The following RANBP17 variants were observed in gnomAD, a reference collection of about 807,000 sequenced individuals.
RANBP17 encodes ran-binding protein 17.
In RANBP17, 158 loss-of-function variants were observed where a neutral mutation model predicts 141.2. That is an observed-to-expected ratio of 1.12 (90% CI 0.98 to 1.28). The LOEUF is 1.28. Among genes scored for constraint, RANBP17 ranks in the 50% most tolerant of loss-of-function variants. The probability of loss-of-function intolerance (pLI) is 0.00; values close to 1 mark genes in which losing one functional copy is unlikely to be tolerated. For missense variants in RANBP17, 1,438 were observed against 1,290.7 expected (o/e 1.11, Z -1.75); for synonymous variants, 430 against 450.0 (o/e 0.96, Z 0.56).
At chr5:171,245,506 G>T (rs1310995625) in intron 24 of RANBP17, among the ~76,000 whole-genome samples, 5 of 152,006 alleles carry the variant, frequency 3.3e-5, no homozygotes, top group African/African-American at 1.2e-4. Flanking sequence ...TAGAGACGGG[G>T]TTTCTCCATG....
chr5:171,063,196 C>A (rs1784030736), intron 14 of RANBP17, among the ~76,000 whole-genome samples: 1 of 152,346 alleles, frequency 6.6e-6, no homozygotes, highest in East Asian at 1.9e-4. Context: ...TGTTCTGTTG[C>A]TGGTGAGGAA....
At chr5:171,147,465 G>A (rs552088418) in intron 14 of RANBP17, among the ~76,000 whole-genome samples, 2 of 149,334 alleles carry the variant, frequency 1.3e-5, no homozygotes, top group African/African-American at 4.9e-5. Context: ...ACCCAGGCTG[G>A]AGTGCAGTGG....
chr5:171,133,913 T>A (rs1294864497), intron 14 of RANBP17, among the ~76,000 whole-genome samples: 2 of 152,250 alleles, frequency 1.3e-5, no homozygotes, highest in Non-Finnish European at 2.9e-5. Context: ...TAAGTATCTA[T>A]ACATGTACTG....
At chr5:170,866,942 T>A (rs1447554247) in intron 1 of RANBP17, 3 of 152,126 alleles carry the variant, frequency 2.0e-5, no homozygotes, top group Non-Finnish European at 4.4e-5. Context: ...GCTCCACCGA[T>A]CAAGTGTCTC....
At chr5:171,168,198 C>A (rs1759835588) in intron 14 of RANBP17, among the ~76,000 whole-genome samples, 1 of 152,124 alleles carries the variant, frequency 6.6e-6, no homozygotes, top group Non-Finnish European at 1.5e-5. Flanking sequence ...GAGGAATGGA[C>A]TGGACGTTGT....
chr5:170,992,544 C>T (rs947805081), intron 14 of RANBP17, among the ~76,000 whole-genome samples: 1 of 152,026 alleles, frequency 6.6e-6, no homozygotes, highest in African/African-American at 2.4e-5. Context: ...AATAAATATA[C>T]TGTATGTGAA....
At chr5:171,156,070 G>A (rs1758873568) in intron 14 of RANBP17, among the ~76,000 whole-genome samples, 1 of 152,020 alleles carries the variant, frequency 6.6e-6, no homozygotes, top group Admixed American at 6.6e-5. Context: ...GATTTTAAAA[G>A]CAATTCTTAT....
chr5:171,159,938 A>AAAT (rs1554107713), intron 14 of RANBP17, among the ~76,000 whole-genome samples: 22 of 150,906 alleles, frequency 1.5e-4, no homozygotes, highest in Non-Finnish European at 3.0e-5. Flanking sequence ...AAAAAAAAAA[A>AAAT]AAAGAAAAAA....
chr5:170,878,334 G>A, intron 2 of RANBP17, 91 bp downstream of exon 2: 1 of 1,069,494 alleles, frequency 9.4e-7, no homozygotes, highest in South Asian at 2.8e-5. Context: ...GTAACTGATA[G>A]ATATTGCCAC....
intron 1 of RANBP17, among the ~76,000 whole-genome samples, chr5:170,866,327 A>G (rs1386148252): frequency 3.5e-5 from 5 of 144,804 alleles, no homozygotes; most frequent in African/African-American, 1.5e-4. Context: ...GCAAAAGATA[A>G]CATTGAGCTT....
chr5:171,082,174 C>T (rs945393295), intron 14 of RANBP17, among the ~76,000 whole-genome samples: 1 of 152,074 alleles, frequency 6.6e-6, no homozygotes, highest in Non-Finnish European at 1.5e-5. Context: ...ACCTGACTTG[C>T]GCTCATCTCA....
At chr5:170,972,155 A>G (rs1174558018) in intron 14 of RANBP17, among the ~76,000 whole-genome samples, 1 of 146,118 alleles carries the variant, frequency 6.8e-6, no homozygotes, top group African/African-American at 2.5e-5. Flanking sequence ...TAAAAGTATT[A>G]TGCAGTTTGG....
intron 25 of RANBP17, among the ~76,000 whole-genome samples, chr5:171,266,114 G>A (rs1455481465): frequency 6.6e-6 from 1 of 152,178 alleles, no homozygotes; most frequent in Non-Finnish European, 1.5e-5. Context: ...AGAGGCCTGA[G>A]AAAAATTAGA....
In RANBP17 at chr5:170,961,419, C is replaced by T. The variant is rs541702565; in HGVS notation, c.1575-6823C>T. Among the ~76,000 whole-genome samples the T allele has an allele frequency of 7.2e-5, 11 of 152,202 alleles. No homozygotes were observed. The East Asian group carries it at 1.7e-3, about 24-fold the overall frequency. On this transcript the variant is annotated intron_variant, in intron 13 of 27. Coordinates refer to ENST00000523189, the MANE Select transcript of RANBP17 (RefSeq NM_022897.5). Reference sequence around the variant, plus strand: ...ATCAAAAATTATTTATCTTTTTATTCTGTGCTTTTTACCAGAAATAATTTA... The same window carrying T: ...ATCAAAAATTATTTATCTTTTTATTTTGTGCTTTTTACCAGAAATAATTTA...
chr5:171,244,500 G>T (rs1314565476), intron 24 of RANBP17, among the ~76,000 whole-genome samples: 1 of 152,072 alleles, frequency 6.6e-6, no homozygotes, highest in African/African-American at 2.4e-5. Context: ...AGGCTGGAGT[G>T]CAGTGATGCA....
chr5:171,295,805 G>C (rs1768778590), intron 26 of RANBP17, 82 bp from the exon 27 acceptor site: 1 of 1,489,018 alleles, frequency 6.7e-7, no homozygotes, highest in Admixed American at 1.8e-5. Context: ...GAGTAGATGA[G>C]AGCTGCTCTA....
At chr5:171,136,619 G>C (rs928785367) in intron 14 of RANBP17, among the ~76,000 whole-genome samples, 17 of 152,074 alleles carry the variant, frequency 1.1e-4, no homozygotes, top group Admixed American at 7.2e-4. Flanking sequence ...TTAAAAGCAA[G>C]ACTCAGATTA....
intron 22 of RANBP17, 45 bp downstream of exon 22, chr5:171,221,885 T>C (rs1201717616): frequency 1.9e-6 from 2 of 1,069,836 alleles, no homozygotes; most frequent in East Asian, 4.7e-5. Context: ...TAGTTTTATC[T>C]CTTTAGAGGA....
intron 5 of RANBP17, among the ~76,000 whole-genome samples, chr5:170,898,677 A>G (rs1297949654): frequency 6.6e-6 from 1 of 152,168 alleles, no homozygotes; most frequent in African/African-American, 2.4e-5. Context: ...TCTTTAATCC[A>G]TCTTGAGTTA....
Sources: gnomAD v4.1 joint callset for allele counts (sites outside exome capture counted in the v4.1 genomes callset) on GRCh38, gnomAD v4.1.1 for gene constraint, MANE v1.5 for transcripts, NCBI Gene and HGNC (gene_info 2026-07-23, HGNC 2026-07-21) for gene names.